PRKCQ: variants seen among roughly 807,000 people sequenced by gnomAD.
The protein encoded by PRKCQ is protein kinase C theta.
PRKCQ carries 41 observed loss-of-function variants against 91.2 expected under a neutral mutation model. The observed-to-expected ratio is 0.45, with a 90% confidence interval of 0.35 to 0.58. PRKCQ has a LOEUF of 0.58. Among genes scored for constraint, PRKCQ ranks in the 20% least tolerant of loss-of-function variants. The probability of loss-of-function intolerance (pLI) is 0.00; values close to 1 mark genes in which losing one functional copy is unlikely to be tolerated. For synonymous variants in PRKCQ, 307 were observed against 316.9 expected (o/e 0.97, Z 0.33); for missense variants, 673 against 896.5 (o/e 0.75, Z 3.18).
intron 4 of PRKCQ, 28 bp downstream of exon 4, chr10:6,507,408 C>G (rs779181300): frequency 1.9e-6 from 3 of 1,602,320 alleles, no homozygotes; most frequent in South Asian, 2.2e-5. Flanking sequence ...CTCCTCACCC[C>G]CAAACAGGAA....
intron 1 of PRKCQ, among the ~76,000 whole-genome samples, chr10:6,546,148 T>C (rs1254277222): frequency 1.3e-5 from 2 of 152,222 alleles, no homozygotes; most frequent in Admixed American, 6.5e-5. Context: ...CTCAGAGATA[T>C]CTAACTGCAA....
chr10:6,564,235 T>C (rs1840748594), intron 1 of PRKCQ, among the ~76,000 whole-genome samples: 1 of 152,168 alleles, frequency 6.6e-6, no homozygotes, highest in Non-Finnish European at 1.5e-5. Flanking sequence ...AGCAAGATCC[T>C]CTACCGCACA....
At chr10:6,475,956 GT>G (rs989006574) in intron 12 of PRKCQ, among the ~76,000 whole-genome samples, 10 of 151,752 alleles carry the variant, frequency 6.6e-5, no homozygotes, top group East Asian at 1.9e-4. Context: ...CTCTGCTGAA[GT>G]TTTTTTTTCT....
At chr10:6,525,239 T>C (rs1564373884) in intron 1 of PRKCQ, among the ~76,000 whole-genome samples, 1 of 151,942 alleles carries the variant, frequency 6.6e-6, no homozygotes, top group Non-Finnish European at 1.5e-5. Context: ...TCCTATTAAT[T>C]TGGTGTGAAA....
chr10:6,470,615 G>C (rs1328590843), intron 12 of PRKCQ, among the ~76,000 whole-genome samples: 1 of 152,176 alleles, frequency 6.6e-6, no homozygotes, highest in East Asian at 1.9e-4. Flanking sequence ...AGTTTTAAGG[G>C]GGAGAGACAA....
At position 6,428,221 on chromosome 10, in the gene PRKCQ, G is replaced by A. The variant is rs375649181; in HGVS notation, c.2107C>T (p.Arg703Trp). The change falls in exon 18 of 18, where the codon CGG (arginine) becomes TGG (tryptophan). Residue 703 changes from arginine (R) to tryptophan (W), a missense_variant. Arg to Trp is a moderately radical substitution (Grantham distance 101). Coordinates refer to ENST00000263125, the MANE Select transcript of PRKCQ (RefSeq NM_006257.5). The stretch of plus-strand genomic sequence containing the variant: ...AGGGGCAAGATTCAGGATATCAGCC[G>A]CTCCATCCCGGGGTTCATGAAGGAA... Reference protein sequence around the residue: ...NFSFMNPGMERLIS With the variant: ...NFSFMNPGMEWLIS 65 of 1,613,996 alleles carry A rather than the reference G, an allele frequency of 4.0e-5. No homozygotes were observed. The highest frequency in any genetic ancestry group is 1.6e-4 in the Middle Eastern group (1 of 6,084).
At chr10:6,440,071 G>A (rs1224069276) in intron 16 of PRKCQ, among the ~76,000 whole-genome samples, 2 of 152,268 alleles carry the variant, frequency 1.3e-5, no homozygotes, top group East Asian at 3.9e-4. Flanking sequence ...TTCATAAGGG[G>A]CTTCCCCCTT....
At chr10:6,415,444 AT>A in the PRKCQ span, among the ~76,000 whole-genome samples, 24 of 79,752 alleles carry the variant, frequency 3.0e-4, no homozygotes, top group African/African-American at 9.4e-4. Context: ...ATATATATAT[AT>A]ATATATATAT....
chr10:6,413,079 A>G, the PRKCQ span, among the ~76,000 whole-genome samples: 471 of 152,188 alleles, frequency 3.1e-3, 2 homozygotes, highest in Middle Eastern at 0.037. Context: ...CAGCCTCCTG[A>G]ATAGCTGGGA....
chr10:6,404,579 CTT>C, the PRKCQ span, among the ~76,000 whole-genome samples: 1 of 133,056 alleles, frequency 7.5e-6, no homozygotes, highest in Admixed American at 8.4e-5. Context: ...CTTTCTCTTT[CTT>C]TCTTTCTTTT....
At chr10:6,480,427 G>T (rs935355012) in intron 11 of PRKCQ, among the ~76,000 whole-genome samples, 2 of 152,206 alleles carry the variant, frequency 1.3e-5, no homozygotes, top group African/African-American at 4.8e-5. Flanking sequence ...ACACCAGATG[G>T]CATATGATGG....
intron 1 of PRKCQ, among the ~76,000 whole-genome samples, chr10:6,562,942 T>C (rs553702703): frequency 3.3e-5 from 5 of 152,332 alleles, no homozygotes; most frequent in South Asian, 4.1e-4. Flanking sequence ...CATCATGTTT[T>C]CTTCCAAGAT....
intron 1 of PRKCQ, among the ~76,000 whole-genome samples, chr10:6,529,362 C>T (rs1223468107): frequency 6.6e-6 from 1 of 152,250 alleles, no homozygotes; most frequent in Non-Finnish European, 1.5e-5. Flanking sequence ...CTCTCTGACT[C>T]TACCATCTTG....
intron 1 of PRKCQ, among the ~76,000 whole-genome samples, chr10:6,547,678 T>C (rs1226448278): frequency 6.6e-6 from 1 of 150,922 alleles, no homozygotes; most frequent in Non-Finnish European, 1.5e-5. Flanking sequence ...TGGCTAGCCA[T>C]ATGTAGAAAG....
chr10:6,511,225 C>A, intron 2 of PRKCQ, 31 bp from the exon 3 acceptor site: 1 of 1,599,634 alleles, frequency 6.3e-7, no homozygotes, highest in South Asian at 1.1e-5. Context: ...TCTCATTATT[C>A]CTTCAGCCAG....
intron 15 of PRKCQ, among the ~76,000 whole-genome samples, chr10:6,449,538 A>G (rs1834529591): frequency 6.6e-6 from 1 of 152,148 alleles, no homozygotes; most frequent in Non-Finnish European, 1.5e-5. Context: ...AACTTCCCCA[A>G]TCTAGCAAGG....
intron 1 of PRKCQ, among the ~76,000 whole-genome samples, chr10:6,531,667 T>C (rs1839400918): frequency 6.6e-6 from 1 of 152,118 alleles, no homozygotes. Context: ...CTCTTTCCCA[T>C]ATTCCCTTCT....
chr10:6,481,728 G>A (rs1177953369), intron 11 of PRKCQ, among the ~76,000 whole-genome samples: 2 of 152,192 alleles, frequency 1.3e-5, no homozygotes, highest in Admixed American at 1.3e-4. Context: ...AAAGTCTGGT[G>A]AGCAGTTGTG....
rs1841253557 is a variant in PRKCQ, at chr10:6,576,776, G to T, written c.-10+3435C>A. Among the ~76,000 whole-genome samples, 1 of 152,196 alleles carries T rather than the reference G, an allele frequency of 6.6e-6. No individual in the cohort carries two copies. Among genetic ancestry groups the T allele is most frequent in the Admixed American group, 6.5e-5 (1 of 15,288 alleles). ...CCTGGGACTGCGGTTTAAAGCAAATGCTTGATGGTTAGACTAATCTGGATG... is the reference window on the plus strand; with the variant it reads ...CCTGGGACTGCGGTTTAAAGCAAATTCTTGATGGTTAGACTAATCTGGATG... On this transcript the variant is annotated intron_variant, in intron 1 of 17. Coordinates refer to ENST00000263125, the MANE Select transcript of PRKCQ (RefSeq NM_006257.5). The surrounding 1 kb of genome is among the most constrained non-coding windows in gnomAD (Gnocchi z 4.2).
Sources: allele counts gnomAD v4.1 joint callset (sites outside exome capture counted in the v4.1 genomes callset), GRCh38; gene constraint gnomAD v4.1.1; non-coding constraint Gnocchi (gnomAD v3.1); transcripts MANE v1.5; gene names NCBI Gene and HGNC (gene_info 2026-07-23, HGNC 2026-07-21).